The following RARB variants were observed in gnomAD, a reference collection of about 807,000 sequenced individuals.
RARB encodes retinoic acid receptor beta.
A neutral mutation model predicts 51.9 loss-of-function variants in RARB; 17 were observed. The observed-to-expected ratio is 0.33, with a 90% confidence interval of 0.22 to 0.49. RARB has a LOEUF of 0.49. RARB is among the 20% of genes least tolerant of loss of function. The pLI is 0.99. For synonymous variants in RARB, 215 were observed against 195.4 expected (o/e 1.10, Z -0.84); for missense variants, 369 against 550.8 (o/e 0.67, Z 3.30).
At chr3:25,516,072 G>A (rs1698147545) in intron 3 of RARB, among the ~76,000 whole-genome samples, 1 of 152,080 alleles carries the variant, frequency 6.6e-6, no homozygotes, top group South Asian at 2.1e-4. Flanking sequence ...CTTCAGCTTT[G>A]AATGTGTAAG....
At chr3:25,471,463 C>G (rs1343499351) in intron 2 of RARB, among the ~76,000 whole-genome samples, 1 of 151,472 alleles carries the variant, frequency 6.6e-6, no homozygotes, top group African/African-American at 2.4e-5. Context: ...TTTTCTTCTT[C>G]TAACAAATTG....
At chr3:25,046,935 C>A (rs1483443508) in intron 2 of RARB, among the ~76,000 whole-genome samples, 1 of 152,174 alleles carries the variant, frequency 6.6e-6, no homozygotes, top group East Asian at 1.9e-4. Context: ...GGCTCAGGAA[C>A]ACTTATTTCC....
At chr3:24,865,640 G>T (rs190214807) in intron 2 of RARB, among the ~76,000 whole-genome samples, 1 of 152,054 alleles carries the variant, frequency 6.6e-6, no homozygotes, top group African/African-American at 2.4e-5. Flanking sequence ...AACTTAATAC[G>T]TACAAATGTA....
intron 2 of RARB, among the ~76,000 whole-genome samples, chr3:24,934,059 C>T (rs1295351597): frequency 6.6e-6 from 1 of 152,080 alleles, no homozygotes; most frequent in Non-Finnish European, 1.5e-5. Flanking sequence ...CAATGAAGTT[C>T]CCTTTGAAGA....
chr3:25,258,044 C>A (rs1293723772), intron 5 of RARB, among the ~76,000 whole-genome samples: 1 of 152,092 alleles, frequency 6.6e-6, no homozygotes, highest in Non-Finnish European at 1.5e-5. Context: ...AGTTAGGAAT[C>A]CTGACTTCAT....
chr3:25,202,944 A>G (rs187886920), intron 5 of RARB, among the ~76,000 whole-genome samples: 2 of 152,284 alleles, frequency 1.3e-5, no homozygotes, highest in African/African-American at 2.4e-5. Flanking sequence ...GTAGATGTCT[A>G]TTAGGTCTGC....
chr3:25,088,538 AGGGAACCG>A (rs1699142357), intron 3 of RARB, among the ~76,000 whole-genome samples: 1 of 152,168 alleles, frequency 6.6e-6, no homozygotes, highest in Non-Finnish European at 1.5e-5. Context: ...AGCATTCTCA[AGGGAACCG>A]GGCTGGGAAA....
chr3:25,485,412 C>T (rs1256505703), intron 2 of RARB, among the ~76,000 whole-genome samples: 1 of 152,210 alleles, frequency 6.6e-6, no homozygotes, highest in Non-Finnish European at 1.5e-5. Flanking sequence ...CCAGCCTCAT[C>T]TCAGAGAGTG....
chr3:25,473,204 T>C (rs958553434), intron 2 of RARB, among the ~76,000 whole-genome samples: 4 of 152,116 alleles, frequency 2.6e-5, no homozygotes, highest in East Asian at 3.9e-4. Context: ...GTTGTTGTTA[T>C]TGAGTATTTT....
At chr3:25,292,762 T>C (rs762640113) in intron 5 of RARB, among the ~76,000 whole-genome samples, 13 of 152,154 alleles carry the variant, frequency 8.5e-5, no homozygotes, top group Non-Finnish European at 7.4e-5. Context: ...GAGCCCTGCG[T>C]TGGTTTCAAA....
chr3:25,165,710 C>T (rs1005733691), intron 4 of RARB, among the ~76,000 whole-genome samples: 8 of 152,138 alleles, frequency 5.3e-5, no homozygotes, highest in Non-Finnish European at 1.2e-4. Context: ...CATGAAAAGA[C>T]CTTAGGTGAA....
intron 2 of RARB, among the ~76,000 whole-genome samples, chr3:25,010,246 C>T (rs998481271): frequency 6.6e-6 from 1 of 151,984 alleles, no homozygotes; most frequent in Non-Finnish European, 1.5e-5. Context: ...TACAGTGAGT[C>T]CATACCTTTT....
At chr3:25,101,883 A>G (rs1213064635) in intron 3 of RARB, among the ~76,000 whole-genome samples, 1 of 152,000 alleles carries the variant, frequency 6.6e-6, no homozygotes, top group African/African-American at 2.4e-5. Flanking sequence ...TGGCTGCTCT[A>G]TTTAAGCAAA....
chr3:25,215,854 A>G (rs1701822923), intron 5 of RARB, among the ~76,000 whole-genome samples: 2 of 152,190 alleles, frequency 1.3e-5, no homozygotes, highest in African/African-American at 4.8e-5. Context: ...GATTCAAGAA[A>G]GTAATGTCTG....
chr3:24,887,854 C>T (rs768446202), intron 2 of RARB, among the ~76,000 whole-genome samples: 2 of 152,158 alleles, frequency 1.3e-5, no homozygotes, highest in Non-Finnish European at 2.9e-5. Context: ...GATGTCAGCA[C>T]TCTTGGCATG....
chr3:25,365,920 G>A (rs1477445154), intron 5 of RARB, among the ~76,000 whole-genome samples: 1 of 152,196 alleles, frequency 6.6e-6, no homozygotes, highest in Admixed American at 6.5e-5. Context: ...TCACAACTGT[G>A]CCTCCATTCA....
intron 4 of RARB, among the ~76,000 whole-genome samples, chr3:25,170,832 GA>G (rs1700632007): frequency 1.1e-4 from 17 of 151,978 alleles, no homozygotes; most frequent in Admixed American, 1.1e-3. Flanking sequence ...TTGTTAATAA[GA>G]TATCGTAGAT....
intron 5 of RARB, among the ~76,000 whole-genome samples, chr3:25,298,374 G>A (rs1302209331): frequency 6.6e-6 from 1 of 151,904 alleles, no homozygotes; most frequent in South Asian, 2.1e-4. Context: ...TAGAGATGGG[G>A]TTTCACTGTG....
At chr3:24,845,894 A>T (rs530193439) in intron 1 of RARB, among the ~76,000 whole-genome samples, 3 of 152,328 alleles carry the variant, frequency 2.0e-5, no homozygotes, top group African/African-American at 7.2e-5. Context: ...GGTGATTACC[A>T]TCCCTTTGAT....
Sources: allele counts gnomAD v4.1 joint callset (sites outside exome capture counted in the v4.1 genomes callset), GRCh38; gene constraint gnomAD v4.1.1; transcripts MANE v1.5; gene names NCBI Gene and HGNC (gene_info 2026-07-23, HGNC 2026-07-21).